Variants in ANKRD13D observed in about 807,000 individuals in gnomAD.
ANKRD13D encodes ankyrin repeat domain-containing protein 13D.
ANKRD13D carries 24 observed loss-of-function variants against 68.8 expected under a neutral mutation model. The ratio of observed to expected loss-of-function variants is 0.35; its 90% CI spans 0.25 to 0.49. The LOEUF (loss-of-function observed/expected upper bound fraction) is 0.49, where lower values mean the gene tolerates loss of function less well. Among genes scored for constraint, ANKRD13D ranks in the 20% least tolerant of loss-of-function variants. ANKRD13D has a pLI of 0.99. For synonymous variants in ANKRD13D, 331 were observed against 336.1 expected, an observed-to-expected ratio of 0.98 and a Z score of 0.16; for missense variants, 735 against 832.1, an observed-to-expected ratio of 0.88 and a Z score of 1.44.
intron 1 of ANKRD13D, 80 bp downstream of exon 1, chr11:67,289,630 C>CCG: frequency 8.6e-7 from 1 of 1,164,486 alleles, no homozygotes. Flanking sequence ...AGCCCCCCCC[C>CCG]CCCCCCCGCC....
In ANKRD13D at chr11:67,301,987, C is replaced by T. The variant is rs1185442128; in HGVS notation, c.1605-132C>T. The T allele has an allele frequency of 7.4e-7, 1 of 1,346,696 alleles. No homozygotes were observed. Among genetic ancestry groups the T allele is most frequent in the Non-Finnish European group, 1.0e-6 (1 of 1,003,680 alleles). The allele number at this position is 1,346,696 out of a possible 1,614,324, so 83.4% of individuals were successfully genotyped here. Reference sequence around the variant, plus strand: ...TGGTGTGAGGGGTGGGGAAGCAGGGCCCTGCCTTGTCTCCTCTGCTTGCCA... The same window carrying T: ...TGGTGTGAGGGGTGGGGAAGCAGGGTCCTGCCTTGTCTCCTCTGCTTGCCA... On this transcript the variant is annotated intron_variant, in intron 14 of 14. Coordinates refer to ENST00000511455, the MANE Select transcript of ANKRD13D (RefSeq NM_207354.3). This position sits in a 1 kb window ranked among gnomAD's most constrained non-coding sequence, Gnocchi z 4.5.
At position 67,299,454 on chromosome 11, in the gene ANKRD13D, T is replaced by G; in HGVS notation, c.799-76T>G. On this transcript the variant is annotated intron_variant, in intron 7 of 14. Coordinates refer to ENST00000511455, the MANE Select transcript of ANKRD13D (RefSeq NM_207354.3). This position sits in a 1 kb window ranked among gnomAD's most constrained non-coding sequence, Gnocchi z 6.2. ...CATCTGTCTCTGGGACAGGAGGACC[T>G]GGGTTCTGCACTGGTGAGGCTGAGT... 1 of 1,247,794 alleles carries G rather than the reference T, an allele frequency of 8.0e-7. No individual in the cohort carries two copies. Among genetic ancestry groups the G allele is most frequent in the East Asian group, 2.5e-5 (1 of 39,332 alleles). 77.3% of individuals were successfully genotyped at this position (1,247,794 alleles called of 1,614,324 possible).
In ANKRD13D at chr11:67,300,396, G is replaced by A. The variant is rs551678736; in HGVS notation, c.1073+273G>A. ...TTCATGAGTACCTGCTGGGGCCAGCGTGGCACAGTGGGAAGGGCCCCCAGC... is the reference window on the plus strand; with the variant it reads ...TTCATGAGTACCTGCTGGGGCCAGCATGGCACAGTGGGAAGGGCCCCCAGC... On this transcript the variant is annotated intron_variant, in intron 10 of 14. Transcript: ENST00000511455. This position sits in a 1 kb window ranked among gnomAD's most constrained non-coding sequence, Gnocchi z 4.3. 5.2e-5 allele frequency: 24 copies of A among 457,970 alleles called. 1 individual carries two copies. The South Asian group carries it at 6.2e-4, about 12-fold the overall frequency. The allele number at this position is 457,970 out of a possible 1,614,324, so 28.4% of individuals were successfully genotyped here.
In ANKRD13D at chr11:67,299,438, C is replaced by T; in HGVS notation, c.799-92C>T. On this transcript the variant is annotated intron_variant, in intron 7 of 14. Coordinates refer to ENST00000511455, the MANE Select transcript of ANKRD13D (RefSeq NM_207354.3). This position sits in a 1 kb window ranked among gnomAD's most constrained non-coding sequence, Gnocchi z 6.2. ...TTGGGGAGCAAGATCTCATCTGTCT[C>T]TGGGACAGGAGGACCTGGGTTCTGC... 1 of 1,114,062 alleles carries T rather than the reference C, an allele frequency of 9.0e-7. No homozygotes were observed. Among genetic ancestry groups the T allele is most frequent in the Non-Finnish European group, 1.3e-6 (1 of 769,106 alleles). The allele number at this position is 1,114,062 out of a possible 1,614,324, so 69.0% of individuals were successfully genotyped here.
At chr11:67,289,690 AAGCCCAGGTCACC>A in intron 1 of ANKRD13D, 140 bp downstream of exon 1, 1 of 1,275,282 alleles carries the variant, frequency 7.8e-7, no homozygotes, top group Non-Finnish European at 1.0e-6. Context: ...GCACGATCCC[AAGCCCAGGTCACC>A]GGCCCCTCGC....
rs78822964 is a variant in ANKRD13D at position 67,292,172 on chromosome 11, C to T, written c.723C>T (p.Ala241=). 1.3e-6 allele frequency: 2 copies of T among 1,586,318 alleles called. No individual in the cohort carries two copies. Among genetic ancestry groups the T allele is most frequent in the Non-Finnish European group, 1.7e-6 (2 of 1,159,044 alleles). ...CCCACCTGGACACTCGTAATGTGGC[C>T]TTTGAGAGGTCGGTCGGGTCCTGGC... The part of the protein sequence containing the change: ...VSTHLDTRNV[A]FERNKCGIWG... Residue 241 remains alanine (A), a synonymous_variant, in exon 6 of 15, where the codon GCC becomes GCT. Transcript: ENST00000511455.
Position 67,301,677 on chromosome 11 carries a change from C to T in ANKRD13D, c.1512+26C>T, listed in dbSNP as rs764238756. 1 of 1,610,894 alleles carries T rather than the reference C, an allele frequency of 6.2e-7. No individual in the cohort carries two copies. The highest frequency in any genetic ancestry group is 8.5e-7 in the Non-Finnish European group (1 of 1,179,392). Reference sequence around the variant, plus strand: ...GTGGGACTTGCCCAGGGGGTGGGCTCTGGCCTCTGCAGCCACACGGCAGAA... The same window carrying T: ...GTGGGACTTGCCCAGGGGGTGGGCTTTGGCCTCTGCAGCCACACGGCAGAA... On this transcript the variant is annotated intron_variant, in intron 13 of 14. Coordinates refer to ENST00000511455, the MANE Select transcript of ANKRD13D (RefSeq NM_207354.3). This position sits in a 1 kb window ranked among gnomAD's most constrained non-coding sequence, Gnocchi z 4.5.
At chr11:67,292,295 A>C in intron 6 of ANKRD13D, 115 bp downstream of exon 6, 2 of 1,240,396 alleles carry the variant, frequency 1.6e-6, no homozygotes, top group Non-Finnish European at 2.2e-6. Context: ...GCTCACTCAC[A>C]AGGGGCTGCT....
chr11:67,290,553 C>A (rs1367089301), intron 3 of ANKRD13D, 107 bp downstream of exon 3: 8 of 1,441,142 alleles, frequency 5.6e-6, no homozygotes, highest in Non-Finnish European at 6.5e-6. Context: ...CAGTGTGCCT[C>A]CTGCCACCAG....
chr11:67,293,052 T>C (rs941047778), intron 6 of ANKRD13D, among the ~76,000 whole-genome samples: 2 of 152,246 alleles, frequency 1.3e-5, no homozygotes, highest in African/African-American at 4.8e-5. Flanking sequence ...AACCCATCGA[T>C]AGACATTTGG....
chr11:67,293,542 C>G (rs1330505839), intron 6 of ANKRD13D, among the ~76,000 whole-genome samples: 1 of 152,166 alleles, frequency 6.6e-6, no homozygotes, highest in Non-Finnish European at 1.5e-5. Context: ...TGGCCTTTCA[C>G]CCAGGATGGA....
At chr11:67,289,641 C>T (rs1203661928) in intron 1 of ANKRD13D, 91 bp downstream of exon 1, 4 of 860,086 alleles carry the variant, frequency 4.7e-6, no homozygotes, top group East Asian at 6.7e-5. Context: ...CCCCCCCGCC[C>T]GCTCAGCTCC....
chr11:67,289,621 GCCCCCC>G (rs368498130), intron 1 of ANKRD13D, 71 bp downstream of exon 1: 6 of 807,406 alleles, frequency 7.4e-6, no homozygotes, highest in Middle Eastern at 4.2e-4. Context: ...CCGTCCTGGA[GCCCCCC>G]CCCCCCCCCC....
Position 67,301,530 on chromosome 11 carries a change from T to G in ANKRD13D, c.1391T>G (p.Val464Gly). Residue 464 changes from valine (V) to glycine (G), a missense_variant, in exon 13 of 15, where the codon GTG becomes GGG. Transcript: ENST00000511455. The surrounding 1 kb of genome is among the most constrained non-coding windows in gnomAD (Gnocchi z 4.5). ...GAGGTGGACCCCACCGTGTTTGAAG[T>G]GCCCAACGGGTACAGCGTGCTGGGC... ...PCEVDPTVFE[V>G]PNGYSVLGME... The G allele has an allele frequency of 6.2e-7, 1 of 1,613,100 alleles. No homozygotes were observed. Among genetic ancestry groups the G allele is most frequent in the Non-Finnish European group, 8.5e-7 (1 of 1,179,976 alleles).
intron 6 of ANKRD13D, 40 bp downstream of exon 6, chr11:67,292,220 G>A (rs748985192): frequency 1.9e-6 from 3 of 1,541,700 alleles, no homozygotes; most frequent in Non-Finnish European, 1.8e-6. Context: ...GGATGGGGAC[G>A]GATAGCAAGA....
chr11:67,289,841 TCCTGACAA>T, intron 1 of ANKRD13D: 1 of 1,422,556 alleles, frequency 7.0e-7, no homozygotes, highest in South Asian at 1.5e-5. Context: ...TCCGCCAAAC[TCCTGACAA>T]CCTGCAGCTC....
At position 67,300,219 on chromosome 11, in the gene ANKRD13D, C is replaced by T; in HGVS notation, c.1073+96C>T. On this transcript the variant is annotated intron_variant, in intron 10 of 14. Transcript: ENST00000511455. This position sits in a 1 kb window ranked among gnomAD's most constrained non-coding sequence, Gnocchi z 4.3. ...CATAGTTAGGGACCCACTCCCTCGG[C>T]TGGCTTCTCTCTGGACTCCACTCCT... is the stretch of plus-strand genomic sequence containing the variant. 6.5e-7 allele frequency: 1 copy of T among 1,539,498 alleles called. No individual in the cohort carries two copies. The highest frequency in any genetic ancestry group is 8.8e-7 in the Non-Finnish European group (1 of 1,133,688).
chr11:67,292,227 A>G, intron 6 of ANKRD13D, 47 bp downstream of exon 6: 1 of 1,531,718 alleles, frequency 6.5e-7, no homozygotes, highest in Non-Finnish European at 8.9e-7. Flanking sequence ...GACGGATAGC[A>G]AGAGCCACCA....
chr11:67,296,666 G>A (rs1019505108), intron 6 of ANKRD13D, among the ~76,000 whole-genome samples: 1 of 151,994 alleles, frequency 6.6e-6, no homozygotes, highest in Non-Finnish European at 1.5e-5. Context: ...GTCTTACTCT[G>A]TCACCCAGGC....
Sources: gnomAD v4.1 joint callset for allele counts (sites outside exome capture counted in the v4.1 genomes callset) on GRCh38, gnomAD v4.1.1 for gene constraint, Gnocchi (gnomAD v3.1) non-coding constraint, MANE v1.5 for transcripts, NCBI Gene and HGNC (gene_info 2026-07-23, HGNC 2026-07-21) for gene names.